The following DHRSX variants were observed in gnomAD, a reference collection of about 807,000 sequenced individuals.
DHRSX encodes the protein dehydrogenase/reductase X-linked.
Under a neutral mutation model 34.0 loss-of-function variants are expected in DHRSX, and 31 were observed. That is an observed-to-expected ratio of 0.91 (90% CI 0.69 to 1.23). The LOEUF (loss-of-function observed/expected upper bound fraction) is 1.23. Ranked by LOEUF, DHRSX falls within the 50% of genes most tolerant of loss-of-function variation. The probability of loss-of-function intolerance (pLI) is 0.00; values close to 1 mark genes in which losing one functional copy is unlikely to be tolerated. For synonymous variants in DHRSX, 201 were observed against 183.8 expected (o/e 1.09, Z -0.76); for missense variants, 414 against 428.1 (o/e 0.97, Z 0.29).
At chrX:2,226,726 C>G (rs1451388355) in intron 6 of DHRSX, among the ~76,000 whole-genome samples, 4 of 151,470 alleles carry the variant, frequency 2.6e-5, no homozygotes, top group Non-Finnish European at 4.4e-5. Context: ...ACCCGGGAGG[C>G]GGGGCTTGCA....
At chrX:2,331,400 A>G (rs2042470687) in intron 3 of DHRSX, among the ~76,000 whole-genome samples, 1 of 146,810 alleles carries the variant, frequency 6.8e-6, no homozygotes, top group South Asian at 2.2e-4. Context: ...TCTAAATGGC[A>G]TTCAGAATGA....
chrX:2,457,714 C>T (rs1341166438), intron 1 of DHRSX, among the ~76,000 whole-genome samples: 5 of 149,046 alleles, frequency 3.4e-5, no homozygotes, highest in Admixed American at 1.3e-4. Context: ...ACACTGAAGA[C>T]GTTCCCTAAG....
chrX:2,266,050 C>T (rs2041461274), intron 5 of DHRSX, among the ~76,000 whole-genome samples: 1 of 146,176 alleles, frequency 6.8e-6, no homozygotes, highest in Admixed American at 6.8e-5. Context: ...ACAGCAGACG[C>T]AGGGAGCACT....
chrX:2,339,550 T>C (rs899722765), intron 3 of DHRSX, among the ~76,000 whole-genome samples: 11 of 152,018 alleles, frequency 7.2e-5, no homozygotes, highest in Middle Eastern at 3.4e-3. Flanking sequence ...CCTCCCAAGC[T>C]CTCCCCAAGT....
At chrX:2,311,451 A>G (rs1255924766) in intron 3 of DHRSX, among the ~76,000 whole-genome samples, 1 of 152,096 alleles carries the variant, frequency 6.6e-6, no homozygotes, top group Non-Finnish European at 1.5e-5. Context: ...TTCAGGATAA[A>G]CTCTGTAAAT....
Position 2,428,056 on chromosome X carries a change from G to A in DHRSX, c.110-2752C>T, listed in dbSNP as rs780967688. 2.3e-4 allele frequency among the ~76,000 whole-genome samples: 35 copies of A among 152,228 alleles called. No individual in the cohort carries two copies. In the South Asian group the frequency reaches 7.3e-3, roughly 32 times the overall value. On this transcript the variant is annotated intron_variant, in intron 1 of 6. Transcript: ENST00000334651. ...CCCTTATAAGCGGGAATTAAATAAT[G>A]TGTACACGTCGACATAGAGCATAAA...
chrX:2,435,335 CT>C (rs2043979237), intron 1 of DHRSX, among the ~76,000 whole-genome samples: 1 of 152,230 alleles, frequency 6.6e-6, no homozygotes, highest in Admixed American at 6.5e-5. Context: ...GAATATCCTC[CT>C]TGTGACATGG....
intron 3 of DHRSX, among the ~76,000 whole-genome samples, chrX:2,399,743 C>CAAAAAAAAAAAAAAAAAAAAAAAAA (rs951340315): frequency 3.3e-4 from 18 of 54,636 alleles, no homozygotes; most frequent in East Asian, 4.8e-4. Flanking sequence ...AAAAAAAAAA[C>CAAAAAAAAAAAAAAAAAAAAAAAAA]AAAAAAACAC....
Position 2,270,665 on chromosome X carries a change from T to G in DHRSX, c.389-3718A>C, listed in dbSNP as rs1417180002. On this transcript the variant is annotated intron_variant, in intron 4 of 6. Transcript: ENST00000334651. ...CTGGCTGTAGCCTCCACAGTGCGGT[T>G]GTAGTGCTTTGGGTACAGCAAGGGG... Among the ~76,000 whole-genome samples the G allele has an allele frequency of 3.3e-5, 5 of 152,224 alleles. No individual in the cohort carries two copies. The East Asian group carries it at 9.7e-4, about 29-fold the overall frequency.
At chrX:2,376,514 G>C (rs2043142075) in intron 3 of DHRSX, among the ~76,000 whole-genome samples, 1 of 137,200 alleles carries the variant, frequency 7.3e-6, no homozygotes, top group Admixed American at 7.3e-5. Flanking sequence ...GGGTTTAACT[G>C]TGACCTCACC....
At chrX:2,302,637 T>TAAATA (rs1254792604) in intron 3 of DHRSX, among the ~76,000 whole-genome samples, 2 of 106,468 alleles carry the variant, frequency 1.9e-5, no homozygotes, top group African/African-American at 6.3e-5. Context: ...ATAAATAAAG[T>TAAATA]AATATATTGG....
intron 1 of DHRSX, among the ~76,000 whole-genome samples, chrX:2,452,138 C>G (rs1288019621): frequency 6.6e-6 from 1 of 151,956 alleles, no homozygotes; most frequent in African/African-American, 2.4e-5. Flanking sequence ...GGACTGCCGC[C>G]GTGTACACAC....
At chrX:2,344,142 A>G (rs2042673154) in intron 3 of DHRSX, among the ~76,000 whole-genome samples, 1 of 152,220 alleles carries the variant, frequency 6.6e-6, no homozygotes, top group Non-Finnish European at 1.5e-5. Context: ...AGCGGGCTCC[A>G]GCAAGCCAGC....
chrX:2,294,076 G>A (rs866629668), intron 3 of DHRSX, among the ~76,000 whole-genome samples: 2 of 151,822 alleles, frequency 1.3e-5, no homozygotes, highest in African/African-American at 2.4e-5. Flanking sequence ...GAGAGAAAGA[G>A]AGAAAGAAAG....
At chrX:2,357,700 T>TAAAA (rs781233833) in intron 3 of DHRSX, among the ~76,000 whole-genome samples, 2 of 125,166 alleles carry the variant, frequency 1.6e-5, no homozygotes, top group South Asian at 2.5e-4. Context: ...CTCAGGAAAT[T>TAAAA]AAAAAAAAAA....
At chrX:2,459,510 G>T (rs1255336603) in intron 1 of DHRSX, among the ~76,000 whole-genome samples, 3 of 144,256 alleles carry the variant, frequency 2.1e-5, no homozygotes, top group African/African-American at 5.0e-5. Flanking sequence ...ACATCATATT[G>T]TACCATAGAG....
intron 3 of DHRSX, among the ~76,000 whole-genome samples, chrX:2,393,593 T>C (rs868799333): frequency 5.4e-3 from 455 of 84,264 alleles, no homozygotes; most frequent in African/African-American, 0.015. Context: ...CCATCTCCTC[T>C]GCACACACGA....
chrX:2,309,980 C>A (rs1245943175), intron 3 of DHRSX, among the ~76,000 whole-genome samples: 1 of 152,056 alleles, frequency 6.6e-6, no homozygotes, highest in Non-Finnish European at 1.5e-5. Flanking sequence ...GTGGAGAAGG[C>A]GTTCAGCTCA....
intron 5 of DHRSX, among the ~76,000 whole-genome samples, chrX:2,252,750 TA>T (rs2124442109): frequency 6.6e-6 from 1 of 152,238 alleles, no homozygotes; most frequent in East Asian, 1.9e-4. Context: ...GAGGGGCACG[TA>T]GTTTCAGGAG....
Sources: gnomAD v4.1 joint callset for allele counts (sites outside exome capture counted in the v4.1 genomes callset) on GRCh38, gnomAD v4.1.1 for gene constraint, MANE v1.5 for transcripts, NCBI Gene and HGNC (gene_info 2026-07-23, HGNC 2026-07-21) for gene names.